SERPINA9: variants seen among roughly 807,000 people sequenced by gnomAD.
SERPINA9 encodes serpin A9.
In SERPINA9, 32 loss-of-function variants were observed where a neutral mutation model predicts 24.5. The observed-to-expected ratio is 1.30, with a 90% CI of 0.98 to 1.75. The LOEUF (loss-of-function observed/expected upper bound fraction) is 1.75, where lower values mean the gene tolerates loss of function less well. Among genes scored for constraint, SERPINA9 ranks in the 40% most tolerant of loss-of-function variants. The probability of loss-of-function intolerance (pLI) is 0.00; values close to 1 mark genes in which losing one functional copy is unlikely to be tolerated. For synonymous variants in SERPINA9, 233 were observed against 197.7 expected, an observed-to-expected ratio of 1.18 and a Z score of -1.50; for missense variants, 594 against 497.1, an observed-to-expected ratio of 1.19 and a Z score of -1.85.
At chr14:94,472,273 A>G (rs1275956579) in intron 1 of SERPINA9, among the ~76,000 whole-genome samples, 2 of 152,128 alleles carry the variant, frequency 1.3e-5, no homozygotes, top group Non-Finnish European at 2.9e-5. Flanking sequence ...GCTCAGGCAT[A>G]GCATACTCTG....
chr14:94,471,804 C>G (rs995683636), intron 1 of SERPINA9, among the ~76,000 whole-genome samples: 5 of 152,192 alleles, frequency 3.3e-5, no homozygotes, highest in Admixed American at 1.3e-4. Flanking sequence ...GACTGATGGC[C>G]ACTCTGCACT....
intron 1 of SERPINA9, among the ~76,000 whole-genome samples, chr14:94,475,641 C>G (rs546509546): frequency 9.9e-5 from 15 of 152,142 alleles, no homozygotes; most frequent in Non-Finnish European, 2.1e-4. Context: ...CTTTGAGGTC[C>G]AGTCCCCCTT....
chr14:94,464,270 CCTCTCTCTCTCTCTCTCT>C (rs71129684), intron 4 of SERPINA9: 79 of 54,420 alleles, frequency 1.5e-3, no homozygotes, highest in African/African-American at 5.3e-3. Context: ...CTTTAAAACT[CCTCTCTCTCTCTCTCTCT>C]CTCTCTCTCT....
chr14:94,471,853 C>G (rs541093396), intron 1 of SERPINA9, among the ~76,000 whole-genome samples: 1 of 152,264 alleles, frequency 6.6e-6, no homozygotes, highest in East Asian at 1.9e-4. Flanking sequence ...TCTTCCTCCC[C>G]GAGACATCGC....
intron 4 of SERPINA9, 24 bp downstream of exon 4, chr14:94,464,683 T>G: frequency 6.3e-7 from 1 of 1,596,520 alleles, no homozygotes; most frequent in Non-Finnish European, 8.6e-7. Flanking sequence ...TGGACTTTTT[T>G]GCAAATATTT....
chr14:94,464,270 CCTCTCTCTCTCTCTCT>C lies in SERPINA9; in HGVS notation c.1050+421_1050+436del, dbSNP rs71129684. Reference sequence around the variant, plus strand: ...ATCTAATATACTATGCTTTAAAACTCCTCTCTCTCTCTCTCTCTCTCTCTCTCTCTCTCTCTCTCTC... The same window carrying C: ...ATCTAATATACTATGCTTTAAAACTCCTCTCTCTCTCTCTCTCTCTCTCTC... On this transcript the variant is annotated intron_variant, in intron 4 of 4. Transcript: ENST00000674397. 2.3e-3 allele frequency: 127 copies of C among 54,410 alleles called. 1 individual carries two copies. The highest frequency in any genetic ancestry group is 7.4e-3 in the East Asian group (30 of 4,064). 3.4% of individuals were successfully genotyped at this position (54,410 alleles called of 1,614,324 possible).
chr14:94,467,042 C>G (rs1899033458), intron 3 of SERPINA9, 67 bp downstream of exon 3: 5 of 1,532,864 alleles, frequency 3.3e-6, no homozygotes, highest in African/African-American at 1.4e-5. Flanking sequence ...TTAGCACAAT[C>G]TCTCCCTCAT....
intron 2 of SERPINA9, among the ~76,000 whole-genome samples, 166 bp downstream of exon 2, chr14:94,469,047 A>G (rs1408769275): frequency 6.6e-6 from 1 of 152,194 alleles, no homozygotes; most frequent in Non-Finnish European, 1.5e-5. Flanking sequence ...AACATGAGCT[A>G]TCCTAGGTCC....
Position 94,463,269 on chromosome 14 carries a change from T to A in SERPINA9, c.1078A>T (p.Ser360Cys). 6.2e-7 allele frequency: 1 copy of A among 1,614,182 alleles called. No individual in the cohort carries two copies. Among genetic ancestry groups the A allele is most frequent in the African/African-American group, 1.3e-5 (1 of 75,056 alleles). The change falls in exon 5 of 5, where the codon AGT becomes TGT. Residue 360 changes from serine to cysteine, a missense_variant. Coordinates refer to ENST00000674397, the MANE Select transcript of SERPINA9 (RefSeq NM_175739.4). The part of the protein sequence containing the change: ...KATHKAVLDV[S>C]EEGTEATAAT... ...GCTGTGGCCTCAGTGCCCTCTTCACTGACATCCAGCACAGCCTTGTGGGTT... is the reference window on the plus strand; with the variant it reads ...GCTGTGGCCTCAGTGCCCTCTTCACAGACATCCAGCACAGCCTTGTGGGTT...
rs559706190 is a variant in SERPINA9 at position 94,467,026 on chromosome 14, C to T, written c.902+83G>A. The T allele has an allele frequency of 6.1e-5, 90 of 1,471,196 alleles. No homozygotes were observed. The South Asian group carries it at 1.0e-3, about 17-fold the overall frequency. 91.1% of individuals were successfully genotyped at this position (1,471,196 alleles called of 1,614,324 possible). A position where few individuals can be genotyped will look rare whatever the true frequency, so the allele number is the denominator to read the frequency against. ...TCACTGTGCAGAAGTGATTATCCAA[C>T]AGCTGTTAGCACAATCTCTCCCTCA... On this transcript the variant is annotated intron_variant, in intron 3 of 4. Transcript: ENST00000674397.
intron 1 of SERPINA9, among the ~76,000 whole-genome samples, chr14:94,473,155 A>G (rs1899405600): frequency 6.6e-6 from 1 of 152,184 alleles, no homozygotes; most frequent in African/African-American, 2.4e-5. Context: ...ACCAGCACGG[A>G]AAAGTGCCCA....
chr14:94,470,071 G>T, intron 1 of SERPINA9: 1 of 690,578 alleles, frequency 1.4e-6, no homozygotes, highest in Non-Finnish European at 2.1e-6. Context: ...AGGCCACAGA[G>T]AGTCTGTGCA....
intron 2 of SERPINA9, among the ~76,000 whole-genome samples, chr14:94,467,970 T>A (rs1014967746): frequency 6.7e-6 from 1 of 150,038 alleles, no homozygotes; most frequent in Admixed American, 6.6e-5. Context: ...GATGGATGGA[T>A]AAATGGGTGG....
intron 1 of SERPINA9, among the ~76,000 whole-genome samples, chr14:94,471,517 C>T (rs189567838): frequency 1.3e-5 from 2 of 152,232 alleles, no homozygotes; most frequent in African/African-American, 2.4e-5. Flanking sequence ...TTATAAAGAA[C>T]CCTTTTACTG....
intron 1 of SERPINA9, 131 bp downstream of exon 1, chr14:94,476,005 A>G (rs144604793): frequency 5.7e-6 from 8 of 1,398,908 alleles, no homozygotes; most frequent in South Asian, 1.3e-5. Flanking sequence ...AAGCCAACTA[A>G]TGTGTCTAGG....
chr14:94,464,641 G>T, intron 4 of SERPINA9, 66 bp downstream of exon 4: 1 of 1,307,794 alleles, frequency 7.6e-7, no homozygotes, highest in Non-Finnish European at 1.1e-6. Context: ...CGAAATAAGA[G>T]CATGTGATTA....
intron 4 of SERPINA9, among the ~76,000 whole-genome samples, chr14:94,463,791 C>T (rs1490962843): frequency 2.0e-5 from 3 of 152,110 alleles, no homozygotes; most frequent in Admixed American, 6.6e-5. Flanking sequence ...CCTGGAGTTC[C>T]TGGATTTCTA....
intron 3 of SERPINA9, among the ~76,000 whole-genome samples, chr14:94,466,768 T>A (rs1899023498): frequency 6.6e-6 from 1 of 152,222 alleles, no homozygotes; most frequent in African/African-American, 2.4e-5. Flanking sequence ...TGCTTTTGTT[T>A]GCTAGCTTTT....
intron 1 of SERPINA9, among the ~76,000 whole-genome samples, chr14:94,475,671 C>G (rs1470258928): frequency 6.6e-6 from 1 of 152,248 alleles, no homozygotes; most frequent in African/African-American, 2.4e-5. Flanking sequence ...TAGAAAGTAT[C>G]TCTTCTCTCC....
Sources: allele counts gnomAD v4.1 joint callset (sites outside exome capture counted in the v4.1 genomes callset), GRCh38; gene constraint gnomAD v4.1.1; transcripts MANE v1.5; gene names NCBI Gene and HGNC (gene_info 2026-07-23, HGNC 2026-07-21).